The following CDCA2 variants were observed in gnomAD, a reference collection of about 807,000 sequenced individuals.
The protein encoded by CDCA2 is cell division cycle-associated protein 2.
Under a neutral mutation model 67.0 loss-of-function variants are expected in CDCA2, and 44 were observed. That is an observed-to-expected ratio of 0.66 (90% confidence interval 0.52 to 0.84). The LOEUF is 0.84. Ranked by LOEUF, CDCA2 falls within the 40% of genes least tolerant of loss-of-function variation. The pLI, the probability that CDCA2 is intolerant of heterozygous loss-of-function variation, is 0.00. For missense variants in CDCA2, 1,253 were observed against 1,203.2 expected (o/e 1.04, Z -0.61); for synonymous variants, 447 against 418.7 (o/e 1.07, Z -0.82).
At chr8:25,475,590 T>C (rs1476465489) in intron 7 of CDCA2, among the ~76,000 whole-genome samples, 2 of 152,118 alleles carry the variant, frequency 1.3e-5, no homozygotes, top group Non-Finnish European at 2.9e-5. Context: ...TAGGGTTAGA[T>C]GGGGCCAGAT....
chr8:25,461,920 G>T (rs781362743), intron 3 of CDCA2, 134 bp from the exon 4 acceptor site: 2 of 774,498 alleles, frequency 2.6e-6, no homozygotes, highest in African/African-American at 1.7e-5. Context: ...GACTGTGCCA[G>T]TAACTCTCCA....
upstream of CDCA2, chr8:25,459,208 C>G (rs1049296889): frequency 6.6e-6 from 1 of 152,422 alleles, no homozygotes; most frequent in African/African-American, 2.4e-5. Context: ...GGATTTGAAT[C>G]GGTCGGCGGG....
upstream of CDCA2, chr8:25,459,175 T>TCGGTCC (rs1017485060): frequency 1.3e-5 from 2 of 151,732 alleles, no homozygotes; most frequent in African/African-American, 4.9e-5. Context: ...TAGAGTAAAT[T>TCGGTCC]CGGTACCGAG....
In CDCA2 at chr8:25,493,257, T is replaced by C. The variant is rs866253996; in HGVS notation, c.1671+4568T>C. Among the ~76,000 whole-genome samples the C allele has an allele frequency of 5.9e-5, 9 of 152,214 alleles. No individual in the cohort carries two copies. In the South Asian group the frequency reaches 6.2e-4, roughly 11 times the overall value. ...TTTAAATGAGCAGTTTTTTCATCTT[T>C]CATAGCAAGATGTTGACAGATAACT... is the stretch of plus-strand genomic sequence containing the variant. On this transcript the variant is annotated intron_variant, in intron 13 of 14. Transcript: ENST00000330560.
intron 5 of CDCA2, among the ~76,000 whole-genome samples, chr8:25,467,062 A>AAAC (rs1259191346): frequency 7.1e-6 from 1 of 141,300 alleles, no homozygotes; most frequent in African/African-American, 2.8e-5. Context: ...AAAAAAAAAA[A>AAAC]AAAACACACA....
chr8:25,507,708 G>A lies in CDCA2; in HGVS notation c.3042G>A (p.Arg1014=). 1 of 1,612,886 alleles carries A rather than the reference G, an allele frequency of 6.2e-7. No homozygotes were observed. The highest frequency in any genetic ancestry group is 8.5e-7 in the Non-Finnish European group (1 of 1,179,706). ...KGESSLTALE[R]IEHNGERKQ is the part of the protein sequence containing the mutation. ...AGAGCTCTCTGACTGCCTTGGAAAG[G>A]ATTGAACATAATGGAGAAAGAAAGC... The change falls in exon 15 of 15, where the codon AGG becomes AGA. Residue 1014 remains arginine, a synonymous_variant. Coordinates refer to ENST00000330560, the MANE Select transcript of CDCA2 (RefSeq NM_152562.4).
rs1425128789 is a variant in CDCA2 at position 25,507,494 on chromosome 8, C to G, written c.2828C>G (p.Ser943Cys). 1 of 1,613,712 alleles carries G rather than the reference C, an allele frequency of 6.2e-7. No homozygotes were observed. Among genetic ancestry groups the G allele is most frequent in the Non-Finnish European group, 8.5e-7 (1 of 1,179,936 alleles). ...ESMSPIKETV[S>C]SRQKPQMAPP... ...ATGTCTCCCATAAAAGAAACTGTGT[C>G]CTCCAGACAAAAACCGCAGATGGCA... Residue 943 changes from serine to cysteine, a missense_variant, in exon 15 of 15, where the codon TCC (serine) becomes TGC (cysteine). By Grantham distance (112) the Ser-to-Cys change is moderately radical. Transcript: ENST00000330560.
intron 4 of CDCA2, among the ~76,000 whole-genome samples, chr8:25,464,875 G>C (rs1181004747): frequency 6.6e-6 from 1 of 152,172 alleles, no homozygotes; most frequent in Non-Finnish European, 1.5e-5. Context: ...TTATGTAATA[G>C]AGAATTTGCT....
At chr8:25,461,965 C>T in intron 3 of CDCA2, 89 bp from the exon 4 acceptor site, 1 of 1,272,848 alleles carries the variant, frequency 7.9e-7, no homozygotes, top group Admixed American at 2.1e-5. Context: ...ATCATGTTTT[C>T]TCTCTCAGGC....
Position 25,503,957 on chromosome 8 carries a change from C to T in CDCA2, c.1843+413C>T, listed in dbSNP as rs143514397. Among the ~76,000 whole-genome samples, 1,151 of 151,784 alleles carry T rather than the reference C, an allele frequency of 7.6e-3. 6 individuals carry two copies. Among genetic ancestry groups the T allele is most frequent in the Non-Finnish European group, 0.013 (892 of 67,962 alleles). On this transcript the variant is annotated intron_variant, in intron 14 of 14. Transcript: ENST00000330560. ...ATCCCAACCATTTGGGAGCCTAAGG[C>T]GGAAGGATTGCTTGAGTTCAGGAGT... is the stretch of plus-strand genomic sequence containing the variant.
intron 7 of CDCA2, chr8:25,472,071 A>G (rs1187123125): frequency 6.6e-6 from 1 of 152,020 alleles, no homozygotes; most frequent in Non-Finnish European, 1.5e-5. Flanking sequence ...GACACCTCTG[A>G]TCTCCTTTAC....
intron 13 of CDCA2, among the ~76,000 whole-genome samples, chr8:25,502,636 T>A (rs976235378): frequency 6.6e-6 from 1 of 152,070 alleles, no homozygotes; most frequent in South Asian, 2.1e-4. Flanking sequence ...CATCCGGACC[T>A]GGGAGCATAA....
At chr8:25,465,900 C>G (rs374111185) in intron 4 of CDCA2, among the ~76,000 whole-genome samples, 2 of 152,274 alleles carry the variant, frequency 1.3e-5, no homozygotes, top group South Asian at 4.2e-4. Context: ...TCCTCCTGTC[C>G]CTTTTTTGTT....
At chr8:25,494,467 T>G (rs1014049705) in intron 13 of CDCA2, among the ~76,000 whole-genome samples, 1 of 152,228 alleles carries the variant, frequency 6.6e-6, no homozygotes, top group African/African-American at 2.4e-5. Context: ...GCTGTATTTT[T>G]ACAGTATAAT....
intron 12 of CDCA2, 142 bp from the exon 13 acceptor site, chr8:25,488,410 C>G (rs1803864719): frequency 1.5e-6 from 1 of 658,856 alleles, no homozygotes; most frequent in Non-Finnish European, 2.2e-6. Flanking sequence ...CATCAAAGTG[C>G]TTTTAATAAG....
chr8:25,495,322 G>A lies in CDCA2; in HGVS notation c.1671+6633G>A, dbSNP rs147589513. On this transcript the variant is annotated intron_variant, in intron 13 of 14. Coordinates refer to ENST00000330560, the MANE Select transcript of CDCA2 (RefSeq NM_152562.4). ...AGAAAGAGAACAATCTCTAATAAGC[G>A]AAAGCAAAATTTGACAAATTCTTAC... Among the ~76,000 whole-genome samples the A allele has an allele frequency of 1.1e-4, 17 of 152,180 alleles. No homozygotes were observed. The East Asian group carries it at 2.9e-3, about 26-fold the overall frequency.
At position 25,480,134 on chromosome 8, in the gene CDCA2, G is replaced by A. The variant is rs767926972; in HGVS notation, c.1032+10G>A. The A allele has an allele frequency of 1.2e-6, 2 of 1,603,700 alleles. No homozygotes were observed. The highest frequency in any genetic ancestry group is 1.7e-6 in the Non-Finnish European group (2 of 1,172,662). On this transcript the variant is annotated intron_variant, in intron 8 of 14. Coordinates refer to ENST00000330560, the MANE Select transcript of CDCA2 (RefSeq NM_152562.4). ...TCTAGAGAGCTTACAGGTAAGAAGA[G>A]AGTTAAATTTCCTAAAGCAAATGAA...
At chr8:25,491,675 G>A (rs1450311279) in intron 13 of CDCA2, among the ~76,000 whole-genome samples, 1 of 152,150 alleles carries the variant, frequency 6.6e-6, no homozygotes, top group Non-Finnish European at 1.5e-5. Flanking sequence ...GGAGTGTAGT[G>A]CTGTGGTCAC....
At chr8:25,467,041 C>CAAAAAAAAA (rs59618544) in intron 5 of CDCA2, among the ~76,000 whole-genome samples, 11 of 49,168 alleles carry the variant, frequency 2.2e-4, no homozygotes, top group South Asian at 1.2e-3. Flanking sequence ...GAGTCCCTTT[C>CAAAAAAAAA]AAAAAAAAAA....
Sources: gnomAD v4.1 joint callset for allele counts (sites outside exome capture counted in the v4.1 genomes callset) on GRCh38, gnomAD v4.1.1 for gene constraint, MANE v1.5 for transcripts, NCBI Gene and HGNC (gene_info 2026-07-23, HGNC 2026-07-21) for gene names.